The following FAM240B variants were observed in gnomAD, a reference collection of about 807,000 sequenced individuals.
FAM240B encodes the protein protein FAM240B.
chr9:38,710,959 G>C (rs1273978613), intron 1 of FAM240B, among the ~76,000 whole-genome samples: 1 of 152,070 alleles, frequency 6.6e-6, no homozygotes, highest in Admixed American at 6.6e-5. Context: ...TCCCAAGCCC[G>C]TGTCATCACC....
intron 1 of FAM240B, among the ~76,000 whole-genome samples, 176 bp downstream of exon 1, chr9:38,719,846 A>G (rs1821351370): frequency 6.6e-6 from 1 of 152,228 alleles, no homozygotes; most frequent in African/African-American, 2.4e-5. Context: ...ATGGAAAAAA[A>G]TCTACTGGCC....
At chr9:38,716,329 A>G (rs948267417) in intron 1 of FAM240B, among the ~76,000 whole-genome samples, 1 of 152,086 alleles carries the variant, frequency 6.6e-6, no homozygotes, top group Non-Finnish European at 1.5e-5. Flanking sequence ...AAAATTAGCC[A>G]GGCATGGTGC....
chr9:38,703,550 G>C (rs540623572), intron 2 of FAM240B, among the ~76,000 whole-genome samples: 1 of 152,118 alleles, frequency 6.6e-6, no homozygotes, highest in Admixed American at 6.5e-5. Context: ...AGAGGTTCCC[G>C]CTAGCTCTTC....
chr9:38,702,917 A>G (rs1821147592), intron 2 of FAM240B, among the ~76,000 whole-genome samples: 1 of 152,212 alleles, frequency 6.6e-6, no homozygotes, highest in African/African-American at 2.4e-5. Context: ...AAATAACGTA[A>G]CTTCATTTTT....
At chr9:38,710,882 G>A (rs1821247110) in intron 1 of FAM240B, among the ~76,000 whole-genome samples, 1 of 152,082 alleles carries the variant, frequency 6.6e-6, no homozygotes, top group Non-Finnish European at 1.5e-5. Flanking sequence ...GACGTACAAA[G>A]AGGCAAGCCA....
chr9:38,717,136 GC>G (rs1246809038), intron 1 of FAM240B, among the ~76,000 whole-genome samples: 7 of 152,158 alleles, frequency 4.6e-5, no homozygotes, highest in Non-Finnish European at 7.4e-5. Context: ...AGAGCAGGGG[GC>G]TCCTAGGGGC....
chr9:38,709,833 C>T (rs986492376), intron 1 of FAM240B, among the ~76,000 whole-genome samples: 5 of 152,218 alleles, frequency 3.3e-5, no homozygotes, highest in African/African-American at 1.2e-4. Flanking sequence ...TATTGTTGTG[C>T]AATTGATTTT....
At chr9:38,713,953 C>G in intron 1 of FAM240B, among the ~76,000 whole-genome samples, 1 of 152,274 alleles carries the variant, frequency 6.6e-6, no homozygotes, top group South Asian at 2.1e-4. Flanking sequence ...TTATTGCCCT[C>G]CCCCTCACAA....
chr9:38,711,321 T>C (rs1821253168), intron 1 of FAM240B, among the ~76,000 whole-genome samples: 1 of 152,220 alleles, frequency 6.6e-6, no homozygotes. Context: ...TGCAGGGGAC[T>C]CACTGTCACT....
intron 2 of FAM240B, among the ~76,000 whole-genome samples, chr9:38,701,928 T>A (rs1228997889): frequency 3.3e-5 from 5 of 149,778 alleles, no homozygotes; most frequent in African/African-American, 1.2e-4. Flanking sequence ...ACACACAATC[T>A]GTCATCTTAT....
chr9:38,699,650 C>CT (rs1821101744), intron 2 of FAM240B, among the ~76,000 whole-genome samples: 1 of 152,158 alleles, frequency 6.6e-6, no homozygotes. Context: ...TGGGAGCGGC[C>CT]TGGGGGAAGT....
At chr9:38,696,488 C>A (rs756531143) in intron 2 of FAM240B, among the ~76,000 whole-genome samples, 4 of 152,148 alleles carry the variant, frequency 2.6e-5, no homozygotes, top group Non-Finnish European at 5.9e-5. Context: ...TGCATAAACA[C>A]ATGAGCAAGC....
At chr9:38,708,214 C>A (rs1033170352) in intron 1 of FAM240B, among the ~76,000 whole-genome samples, 1 of 152,208 alleles carries the variant, frequency 6.6e-6, no homozygotes, top group African/African-American at 2.4e-5. Flanking sequence ...TCTTCCTTAG[C>A]TTTTCTCGAA....
chr9:38,710,317 A>G (rs1821239972), intron 1 of FAM240B, among the ~76,000 whole-genome samples: 1 of 152,180 alleles, frequency 6.6e-6, no homozygotes, highest in African/African-American at 2.4e-5. Flanking sequence ...TCAGAATATA[A>G]GATCATTTAT....
At chr9:38,707,793 C>CAAAAA (rs11300800) in intron 1 of FAM240B, among the ~76,000 whole-genome samples, 3 of 109,394 alleles carry the variant, frequency 2.7e-5, no homozygotes, top group African/African-American at 1.1e-4. Flanking sequence ...GACTCGGTCT[C>CAAAAA]AAAAAAAAAA....
chr9:38,717,060 G>C (rs1016703031), intron 1 of FAM240B, among the ~76,000 whole-genome samples: 1 of 152,136 alleles, frequency 6.6e-6, no homozygotes, highest in Non-Finnish European at 1.5e-5. Flanking sequence ...ACGCAGTTAG[G>C]CATCTGGAAG....
At chr9:38,714,588 A>G (rs1821289351) in intron 1 of FAM240B, among the ~76,000 whole-genome samples, 1 of 152,180 alleles carries the variant, frequency 6.6e-6, no homozygotes, top group Non-Finnish European at 1.5e-5. Context: ...AGCGCTACTA[A>G]TAAGTATTGT....
chr9:38,712,826 G>T (rs1486003049), intron 1 of FAM240B, among the ~76,000 whole-genome samples: 1 of 150,038 alleles, frequency 6.7e-6, no homozygotes, highest in Non-Finnish European at 1.5e-5. Flanking sequence ...CTAAGTCACA[G>T]AATCAGTCAG....
chr9:38,694,861 T>C lies in FAM240B; in HGVS notation c.152A>G (p.Glu51Gly), dbSNP rs957726594. The C allele has an allele frequency of 5.5e-5, 22 of 398,800 alleles. No homozygotes were observed. The highest frequency in any genetic ancestry group is 3.5e-4 in the African/African-American group (17 of 48,760). The allele number at this position is 398,800 out of a possible 1,614,324, so 24.7% of individuals were successfully genotyped here. A position where few individuals can be genotyped will look rare whatever the true frequency, so the allele number is the denominator to read the frequency against. Residue 51 changes from glutamate to glycine, a missense_variant, in exon 3 of 3, where the codon GAA becomes GGA. Coordinates refer to ENST00000637493, the MANE Select transcript of FAM240B (RefSeq NM_001394922.1). ...CCTCTCCAGCCTCTGCCTCCATTCT[T>C]CTCTGAGTCTGCGGAGGGGAAACCG... The part of the protein sequence containing the change: ...QERSALKKLR[E>G]EWRQRLERRL...
Sources: gnomAD v4.1 joint callset for allele counts (sites outside exome capture counted in the v4.1 genomes callset) on GRCh38, gnomAD v4.1.1 for gene constraint, MANE v1.5 for transcripts, NCBI Gene and HGNC (gene_info 2026-07-23, HGNC 2026-07-21) for gene names.